The following GLI2 variants were observed in gnomAD, a reference collection of about 807,000 sequenced individuals.
The protein encoded by GLI2 is transcription activator GLI2.
A neutral mutation model predicts 78.9 loss-of-function variants in GLI2; 22 were observed. The observed-to-expected ratio is 0.28, with a 90% confidence interval of 0.20 to 0.40. GLI2 has a LOEUF of 0.40. Ranked by LOEUF, GLI2 falls within the 10% of genes least tolerant of loss-of-function variation. GLI2 has a pLI of 1.00. For missense variants in GLI2, 2,097 were observed against 2,213.2 expected, an observed-to-expected ratio of 0.95 and a Z score of 1.05; for synonymous variants, 974 against 963.7, an observed-to-expected ratio of 1.01 and a Z score of -0.20.
At chr2:120,821,647 G>A (rs1373152637) in intron 2 of GLI2, among the ~76,000 whole-genome samples, 5 of 152,282 alleles carry the variant, frequency 3.3e-5, no homozygotes, top group East Asian at 1.9e-4. Context: ...TCACCCTCTC[G>A]TCTTTCTAAT....
At chr2:120,869,883 T>C (rs1487861511) in intron 2 of GLI2, among the ~76,000 whole-genome samples, 1 of 151,908 alleles carries the variant, frequency 6.6e-6, no homozygotes, top group East Asian at 1.9e-4. Flanking sequence ...GGACCTTCAG[T>C]CCAGGGAGTT....
At chr2:120,775,478 G>A (rs964688939) in intron 1 of GLI2, among the ~76,000 whole-genome samples, 1 of 152,176 alleles carries the variant, frequency 6.6e-6, no homozygotes, top group African/African-American at 2.4e-5. Context: ...CTAATGCTCC[G>A]GAGGTGCTGA....
intron 2 of GLI2, among the ~76,000 whole-genome samples, chr2:120,880,454 ATCCTCCT>A (rs1300922882): frequency 6.6e-6 from 1 of 152,076 alleles, no homozygotes; most frequent in African/African-American, 2.4e-5. Flanking sequence ...TCACCCCGCC[ATCCTCCT>A]TCCTCCTTCC....
intron 4 of GLI2, among the ~76,000 whole-genome samples, chr2:120,953,638 C>T (rs1681098937): frequency 6.6e-6 from 1 of 152,200 alleles, no homozygotes; most frequent in Non-Finnish European, 1.5e-5. Flanking sequence ...AGAGCACCCT[C>T]CTGGAGATGC....
intron 3 of GLI2, among the ~76,000 whole-genome samples, chr2:120,944,918 C>T (rs1680634936): frequency 6.6e-6 from 1 of 152,256 alleles, no homozygotes; most frequent in Non-Finnish European, 1.5e-5. Flanking sequence ...ACACAGCAGC[C>T]ATGCAGTGAC....
At chr2:120,792,310 C>G (rs1455315812) in intron 1 of GLI2, 4 of 152,218 alleles carry the variant, frequency 2.6e-5, no homozygotes, top group African/African-American at 9.7e-5. Flanking sequence ...TACAATAATG[C>G]TATAAATGCA....
intron 2 of GLI2, among the ~76,000 whole-genome samples, chr2:120,920,719 T>TG (rs935547814): frequency 7.3e-5 from 11 of 150,658 alleles, no homozygotes; most frequent in African/African-American, 2.2e-4. Flanking sequence ...ATGTGCATTT[T>TG]TTTTTCCAGA....
intron 1 of GLI2, among the ~76,000 whole-genome samples, chr2:120,767,749 C>CT (rs1683406931): frequency 6.6e-6 from 1 of 152,240 alleles, no homozygotes; most frequent in East Asian, 1.9e-4. Context: ...CCACCTGGGC[C>CT]TTAACCCAGG....
intron 2 of GLI2, among the ~76,000 whole-genome samples, chr2:120,826,224 CAG>C (rs1463966550): frequency 1.3e-5 from 2 of 152,162 alleles, no homozygotes; most frequent in East Asian, 3.8e-4. Context: ...GAAGCTGAGA[CAG>C]AGAGGGGCTG....
chr2:120,918,655 G>T (rs1053730935), intron 2 of GLI2, among the ~76,000 whole-genome samples: 1 of 152,086 alleles, frequency 6.6e-6, no homozygotes, highest in Non-Finnish European at 1.5e-5. Context: ...TGGCCAGGAT[G>T]GTGTCAAACT....
At chr2:120,772,714 G>T (rs1424243217) in intron 1 of GLI2, among the ~76,000 whole-genome samples, 1 of 152,254 alleles carries the variant, frequency 6.6e-6, no homozygotes, top group Non-Finnish European at 1.5e-5. Context: ...AACAATTTGT[G>T]CTCAAGGTAA....
chr2:120,801,537 T>C (rs4848119), intron 2 of GLI2, among the ~76,000 whole-genome samples: 79,130 of 152,174 alleles, frequency 0.52, 22,436 homozygotes, highest in South Asian at 0.7. Flanking sequence ...TGGAACACGA[T>C]GTAGCCACTG....
At chr2:120,933,549 C>T (rs2104891248) in intron 3 of GLI2, among the ~76,000 whole-genome samples, 1 of 152,328 alleles carries the variant, frequency 6.6e-6, no homozygotes, top group African/African-American at 2.4e-5. Flanking sequence ...TCTCTCCAAC[C>T]TTGTGACGCT....
chr2:120,950,623 G>A (rs1680932653), intron 3 of GLI2, among the ~76,000 whole-genome samples: 1 of 152,216 alleles, frequency 6.6e-6, no homozygotes, highest in Non-Finnish European at 1.5e-5. Context: ...GAATTCCATG[G>A]AAGGAGAACG....
intron 8 of GLI2, among the ~76,000 whole-genome samples, chr2:120,974,308 GC>G (rs1682340202): frequency 1.3e-5 from 2 of 152,148 alleles, no homozygotes; most frequent in Non-Finnish European, 2.9e-5. Flanking sequence ...CTCAGAGGGT[GC>G]CCCTGGTTAG....
intron 8 of GLI2, chr2:120,972,742 A>AG: frequency 2.0e-6 from 1 of 509,722 alleles, no homozygotes; most frequent in South Asian, 1.4e-5. Flanking sequence ...TGGCGTGGTG[A>AG]GGGGGGAAGA....
At chr2:120,806,621 C>A (rs1340883218) in intron 2 of GLI2, among the ~76,000 whole-genome samples, 29 of 152,100 alleles carry the variant, frequency 1.9e-4, no homozygotes, top group Admixed American at 1.9e-3. Context: ...CCATATGTCT[C>A]CTGCCTGGCA....
chr2:120,827,584 AC>A (rs1686144529), intron 2 of GLI2, among the ~76,000 whole-genome samples: 1 of 152,194 alleles, frequency 6.6e-6, no homozygotes, highest in Admixed American at 6.5e-5. Context: ...ATATTTGCAC[AC>A]CCATGTTCAT....
At chr2:120,986,669 C>A in intron 13 of GLI2, 55 bp downstream of exon 13, 2 of 1,422,330 alleles carry the variant, frequency 1.4e-6, no homozygotes, top group Non-Finnish European at 2.0e-6. Flanking sequence ...GGGGCAGCAC[C>A]AACTAGGCTG....
Sources: gnomAD v4.1 joint callset for allele counts (sites outside exome capture counted in the v4.1 genomes callset) on GRCh38, gnomAD v4.1.1 for gene constraint, MANE v1.5 for transcripts, NCBI Gene and HGNC (gene_info 2026-07-23, HGNC 2026-07-21) for gene names.